CBLN2: variants seen among roughly 807,000 people sequenced by gnomAD.
CBLN2 encodes the protein cerebellin 2 precursor, also known as cerebellin-2.
Under a neutral mutation model 15.0 loss-of-function variants are expected in CBLN2, and 7 were observed. The observed-to-expected ratio is 0.47, with a 90% confidence interval of 0.27 to 0.88. CBLN2 has a LOEUF of 0.88. Ranked by LOEUF, CBLN2 falls within the 40% of genes least tolerant of loss-of-function variation. The pLI, the probability that CBLN2 is intolerant of heterozygous loss-of-function variation, is 0.14. For missense variants in CBLN2, 242 were observed against 304.5 expected (o/e 0.79, Z 1.53); for synonymous variants, 149 against 135.2 (o/e 1.10, Z -0.71).
intron 1 of CBLN2, among the ~76,000 whole-genome samples, chr18:72,590,593 A>T (rs2069474366): frequency 6.6e-6 from 1 of 152,276 alleles, no homozygotes; most frequent in South Asian, 2.1e-4. Context: ...AACACATAAA[A>T]CAAAAATATA....
intron 1 of CBLN2, among the ~76,000 whole-genome samples, chr18:72,567,579 G>A (rs183258006): frequency 1.7e-3 from 252 of 152,310 alleles, no homozygotes; most frequent in Admixed American, 3.1e-3. Context: ...TGGAGAAGTC[G>A]AGGGTTACAT....
At position 72,542,037 on chromosome 18, in the gene CBLN2, G is replaced by C. The variant is rs2144865976; in HGVS notation, c.124C>G (p.Leu42Val). ...CGCACGGGGCAGCAGGCGGGCAGTA[G>C]CAGCAACAGCAGGGCCAGCGCCACC... ...LGVALALLLL[L>V]LPACCPVRAQ... Residue 42 changes from leucine to valine, a missense_variant, in exon 3 of 5, where the codon CTA becomes GTA. Physicochemically the swap from Leu to Val is conservative, Grantham distance 32. This residue lies in a region of CBLN2 where 96 missense variants were observed against 83.8 expected (regional missense o/e 1.15). Transcript: ENST00000269503. 5 of 1,591,018 alleles carry C rather than the reference G, an allele frequency of 3.1e-6. No individual in the cohort carries two copies. The highest frequency in any genetic ancestry group is 1.4e-5 in the African/African-American group (1 of 73,566).
intron 1 of CBLN2, chr18:72,619,221 T>G: frequency 1.1e-6 from 1 of 931,436 alleles, no homozygotes; most frequent in South Asian, 1.3e-5. Context: ...CAGAAGATTT[T>G]AATTACAGTC....
chr18:72,574,811 T>C (rs2069354222), intron 1 of CBLN2, among the ~76,000 whole-genome samples: 1 of 152,210 alleles, frequency 6.6e-6, no homozygotes, highest in African/African-American at 2.4e-5. Flanking sequence ...AAGTATGTCA[T>C]GATTACCATG....
intron 1 of CBLN2, among the ~76,000 whole-genome samples, chr18:72,637,041 C>CAAA (rs113009406): frequency 0.061 from 7,792 of 127,438 alleles, 262 homozygotes; most frequent in South Asian, 0.11. Flanking sequence ...AACAAAACTG[C>CAAA]AAAAAAAAAA....
At chr18:72,542,934 C>T in intron 2 of CBLN2, 1 of 156,764 alleles carries the variant, frequency 6.4e-6, no homozygotes, top group Non-Finnish European at 1.4e-5. Context: ...CACACACACA[C>T]ACACACACAC....
rs781623751 is a variant in CBLN2 at position 72,538,387 on chromosome 18, A to C, written c.478-14T>G. 6.2e-7 allele frequency: 1 copy of C among 1,613,252 alleles called. No homozygotes were observed. Among genetic ancestry groups the C allele is most frequent in the Non-Finnish European group, 8.5e-7 (1 of 1,179,394 alleles). ...CATTAAACTGACCTAAAATGCAGAGAGTAGAGCTCAGCAGACCATAAAGCA... is the reference window on the plus strand; with the variant it reads ...CATTAAACTGACCTAAAATGCAGAGCGTAGAGCTCAGCAGACCATAAAGCA... On this transcript the variant is annotated splice_polypyrimidine_tract_variant and intron_variant, in intron 4 of 4. Transcript: ENST00000269503.
chr18:72,609,724 G>T (rs1198940315), intron 1 of CBLN2, among the ~76,000 whole-genome samples: 1 of 152,202 alleles, frequency 6.6e-6, no homozygotes, highest in African/African-American at 2.4e-5. Context: ...ATCACTTCTT[G>T]TAAGTTGGAT....
chr18:72,572,826 A>G (rs2069340693), intron 1 of CBLN2, among the ~76,000 whole-genome samples: 2 of 152,180 alleles, frequency 1.3e-5, no homozygotes, highest in South Asian at 4.1e-4. Context: ...TCATTATAAG[A>G]CACAAAAAAT....
At chr18:72,565,002 G>T (rs1406849177) in intron 1 of CBLN2, among the ~76,000 whole-genome samples, 1 of 152,170 alleles carries the variant, frequency 6.6e-6, no homozygotes, top group Non-Finnish European at 1.5e-5. Context: ...AAAGTGTTGT[G>T]AGAAAAAATC....
At chr18:72,574,882 A>G (rs1036770930) in intron 1 of CBLN2, among the ~76,000 whole-genome samples, 1 of 152,204 alleles carries the variant, frequency 6.6e-6, no homozygotes, top group Admixed American at 6.5e-5. Flanking sequence ...TTCAGTCATC[A>G]TGGTTGCATA....
intron 1 of CBLN2, among the ~76,000 whole-genome samples, chr18:72,557,932 A>G (rs1277663316): frequency 6.6e-6 from 1 of 152,166 alleles, no homozygotes; most frequent in Non-Finnish European, 1.5e-5. Flanking sequence ...TGTTTTTTAA[A>G]AAAGTAAGCA....
chr18:72,547,110 T>TCA (rs36204454), upstream of CBLN2, among the ~76,000 whole-genome samples: 7,815 of 148,614 alleles, frequency 0.053, 583 homozygotes, highest in African/African-American at 0.17. Context: ...AAAGAAAGTG[T>TCA]CACACACACA....
intron 1 of CBLN2, among the ~76,000 whole-genome samples, chr18:72,615,145 T>C (rs999199438): frequency 7.5e-6 from 1 of 133,270 alleles, no homozygotes; most frequent in African/African-American, 2.8e-5. Flanking sequence ...TATAAATAAA[T>C]ATAAATATAG....
chr18:72,613,225 G>A (rs2069634575), intron 1 of CBLN2, among the ~76,000 whole-genome samples: 1 of 152,122 alleles, frequency 6.6e-6, no homozygotes, highest in Non-Finnish European at 1.5e-5. Context: ...TGGTAGAGGA[G>A]GTTAGGACTT....
At chr18:72,560,766 T>C (rs1329790738) in intron 1 of CBLN2, among the ~76,000 whole-genome samples, 1 of 152,180 alleles carries the variant, frequency 6.6e-6, no homozygotes, top group African/African-American at 2.4e-5. Context: ...CCCAGCACTT[T>C]GGGAGGCCGA....
intron 1 of CBLN2, among the ~76,000 whole-genome samples, chr18:72,585,731 A>T (rs908534662): frequency 1.3e-5 from 2 of 152,168 alleles, no homozygotes; most frequent in African/African-American, 4.8e-5. Flanking sequence ...ATCAACCTCC[A>T]GGGTGCCCAG....
chr18:72,557,085 C>T (rs1442423535), intron 1 of CBLN2, among the ~76,000 whole-genome samples: 2 of 151,270 alleles, frequency 1.3e-5, no homozygotes, highest in Admixed American at 1.3e-4. Flanking sequence ...TACAATATCT[C>T]GAATGCAGTG....
intron 1 of CBLN2, among the ~76,000 whole-genome samples, chr18:72,615,284 T>TA (rs1568132633): frequency 2.7e-4 from 9 of 32,944 alleles, no homozygotes; most frequent in Non-Finnish European, 1.6e-3. Context: ...ATATATATAT[T>TA]TTTTTTTTGA....
Sources: allele counts gnomAD v4.1 joint callset (sites outside exome capture counted in the v4.1 genomes callset), GRCh38; gene constraint gnomAD v4.1.1; regional missense constraint gnomAD v4.1.1; transcripts MANE v1.5; gene names NCBI Gene and HGNC (gene_info 2026-07-23, HGNC 2026-07-21).